RGS6: variants seen among roughly 807,000 people sequenced by gnomAD.
The protein encoded by RGS6 is regulator of G protein signaling 6, also known as regulator of G-protein signaling 6.
A neutral mutation model predicts 78.5 loss-of-function variants in RGS6; 30 were observed. The observed-to-expected ratio is 0.38, with a 90% CI of 0.29 to 0.52. The LOEUF is 0.52. RGS6 is among the 20% of genes least tolerant of loss of function. The pLI, the probability that RGS6 is intolerant of heterozygous loss-of-function variation, is 0.85. For missense variants in RGS6, 495 were observed against 609.7 expected, an observed-to-expected ratio of 0.81 and a Z score of 1.98; for synonymous variants, 206 against 206.0, an observed-to-expected ratio of 1.00 and a Z score of 0.00.
At chr14:72,619,350 A>C in the RGS6 span, 3 of 1,536,142 alleles carry the variant, frequency 2.0e-6, no homozygotes, top group Middle Eastern at 3.3e-4. Flanking sequence ...TCCCAGCATA[A>C]GTGGCAGCTC....
chr14:72,348,291 T>C, intron 2 of RGS6, among the ~76,000 whole-genome samples: 1 of 152,256 alleles, frequency 6.6e-6, no homozygotes, highest in East Asian at 1.9e-4. Context: ...CCTTGCCACT[T>C]ACTAGCTGTT....
chr14:72,463,404 C>T (rs1174482262), intron 6 of RGS6, among the ~76,000 whole-genome samples: 1 of 152,210 alleles, frequency 6.6e-6, no homozygotes, highest in East Asian at 1.9e-4. Flanking sequence ...AGCCACATCC[C>T]ACCTTCCTCA....
chr14:72,081,374 G>A (rs2094818487), intron 2 of RGS6, among the ~76,000 whole-genome samples: 1 of 152,004 alleles, frequency 6.6e-6, no homozygotes, highest in Non-Finnish European at 1.5e-5. Flanking sequence ...ATCTTCTTGA[G>A]ATCTTTTCTG....
chr14:71,964,292 A>G (rs1413945936), intron 1 of RGS6, among the ~76,000 whole-genome samples: 1 of 152,216 alleles, frequency 6.6e-6, no homozygotes, highest in African/African-American at 2.4e-5. Flanking sequence ...GCATCACCTA[A>G]CGTCAGAAGT....
intron 2 of RGS6, among the ~76,000 whole-genome samples, chr14:72,008,547 G>A (rs551603524): frequency 1.4e-4 from 22 of 152,084 alleles, no homozygotes; most frequent in Non-Finnish European, 2.6e-4. Context: ...GTGACCAATT[G>A]CAAATGGCAT....
At chr14:72,225,320 T>C (rs2047860984) in intron 2 of RGS6, among the ~76,000 whole-genome samples, 1 of 152,154 alleles carries the variant, frequency 6.6e-6, no homozygotes, top group Admixed American at 6.5e-5. Flanking sequence ...ATTCACTGTG[T>C]TTATTTTTTA....
intron 2 of RGS6, among the ~76,000 whole-genome samples, chr14:72,209,755 G>A (rs2043599153): frequency 6.6e-6 from 1 of 152,198 alleles, no homozygotes; most frequent in Admixed American, 6.5e-5. Flanking sequence ...GCAGTGGTGA[G>A]AACACCTAAA....
intron 2 of RGS6, among the ~76,000 whole-genome samples, chr14:72,081,872 T>C (rs923340765): frequency 8.5e-5 from 13 of 152,054 alleles, no homozygotes; most frequent in Admixed American, 2.6e-4. Context: ...ACTTTTTTTT[T>C]CCTAAAAAAT....
intron 2 of RGS6, among the ~76,000 whole-genome samples, chr14:72,167,343 G>A (rs2096942187): frequency 6.6e-6 from 1 of 152,236 alleles, no homozygotes; most frequent in Non-Finnish European, 1.5e-5. Flanking sequence ...TGGCAAGACA[G>A]AAGTCACAAT....
intron 3 of RGS6, among the ~76,000 whole-genome samples, chr14:72,374,400 C>T (rs918281676): frequency 6.6e-6 from 1 of 152,188 alleles, no homozygotes; most frequent in African/African-American, 2.4e-5. Context: ...TCATCCATGT[C>T]CCTACAAAGG....
intron 2 of RGS6, among the ~76,000 whole-genome samples, chr14:72,242,690 T>C (rs754978739): frequency 4.6e-4 from 70 of 152,128 alleles, no homozygotes; most frequent in Non-Finnish European, 1.5e-4. Flanking sequence ...GATATGAATA[T>C]ATTTGTTTGG....
At chr14:72,022,806 C>G (rs1165978633) in intron 2 of RGS6, among the ~76,000 whole-genome samples, 1 of 152,218 alleles carries the variant, frequency 6.6e-6, no homozygotes, top group Non-Finnish European at 1.5e-5. Context: ...CATGCCTGGA[C>G]CGTACTTCAC....
chr14:72,547,373 A>AG, intron 17 of RGS6: 1 of 1,193,704 alleles, frequency 8.4e-7, no homozygotes. Flanking sequence ...AAGAAGTAAG[A>AG]CCCCCCCCCG....
chr14:72,030,055 C>T (rs1438825332), intron 2 of RGS6, among the ~76,000 whole-genome samples: 5 of 152,122 alleles, frequency 3.3e-5, no homozygotes, highest in Admixed American at 6.5e-5. Context: ...CTAAGATCTT[C>T]GCATTGTCTG....
chr14:72,364,382 C>T (rs374018788), intron 3 of RGS6, among the ~76,000 whole-genome samples: 1 of 152,332 alleles, frequency 6.6e-6, no homozygotes, highest in East Asian at 1.9e-4. Context: ...CATGGCCACC[C>T]TGTTACTGTG....
intron 1 of RGS6, among the ~76,000 whole-genome samples, chr14:71,937,722 G>A (rs571327212): frequency 3.9e-5 from 6 of 152,210 alleles, no homozygotes; most frequent in South Asian, 2.1e-4. Flanking sequence ...CATTCCGTGA[G>A]TCCACAGATG....
chr14:71,901,745 A>G, the RGS6 span, among the ~76,000 whole-genome samples: 1 of 152,118 alleles, frequency 6.6e-6, no homozygotes, highest in African/African-American at 2.4e-5. Flanking sequence ...GAGACTGTTT[A>G]TTTCTTATAT....
chr14:72,350,649 T>A (rs1410940296), intron 2 of RGS6, among the ~76,000 whole-genome samples: 1 of 151,978 alleles, frequency 6.6e-6, no homozygotes, highest in Non-Finnish European at 1.5e-5. Context: ...GTAACTCCAA[T>A]GAGTAGGGTT....
At chr14:72,164,895 G>C (rs149671) in intron 2 of RGS6, among the ~76,000 whole-genome samples, 131,703 of 152,252 alleles carry the variant, frequency 0.87, 57,354 homozygotes, top group African/African-American at 0.97. Context: ...AAAGGTGATG[G>C]CTGACTGTGC....
Sources: allele counts gnomAD v4.1 joint callset (sites outside exome capture counted in the v4.1 genomes callset), GRCh38; gene constraint gnomAD v4.1.1; transcripts MANE v1.5; gene names NCBI Gene and HGNC (gene_info 2026-07-23, HGNC 2026-07-21).